CCT8: variants seen among roughly 807,000 people sequenced by gnomAD.
CCT8 encodes the protein chaperonin containing TCP1 subunit 8.
CCT8 carries 10 observed loss-of-function variants against 65.7 expected under a neutral mutation model. That is an observed-to-expected ratio of 0.15 (90% CI 0.09 to 0.26). The LOEUF (loss-of-function observed/expected upper bound fraction) is 0.26, where lower values mean the gene tolerates loss of function less well. Ranked by LOEUF, CCT8 falls within the 10% of genes least tolerant of loss-of-function variation. CCT8 has a pLI of 1.00. For missense variants in CCT8, 568 were observed against 669.1 expected (o/e 0.85, Z 1.67); for synonymous variants, 199 against 221.8 (o/e 0.90, Z 0.92).
chr21:29,057,727 A>G (rs1473300019), intron 14 of CCT8, among the ~76,000 whole-genome samples: 1 of 87,012 alleles, frequency 1.1e-5, no homozygotes, highest in African/African-American at 3.1e-5. Flanking sequence ...TCATACATAT[A>G]TGTATGATAT....
intron 11 of CCT8, 88 bp from the exon 12 acceptor site, chr21:29,061,655 C>G: frequency 8.1e-7 from 1 of 1,230,660 alleles, no homozygotes; most frequent in Non-Finnish European, 1.2e-6. Context: ...TTTTCACATT[C>G]CAGTACCCCA....
intron 1 of CCT8, chr21:29,071,891 T>C (rs543534046): frequency 2.9e-6 from 2 of 696,534 alleles, no homozygotes; most frequent in East Asian, 2.7e-5. Context: ...TGCAAATCCC[T>C]TTTCAAGGAA....
At chr21:29,065,719 G>T (rs1007893506) in intron 6 of CCT8, among the ~76,000 whole-genome samples, 2 of 152,242 alleles carry the variant, frequency 1.3e-5, no homozygotes, top group East Asian at 3.9e-4. Flanking sequence ...GGAATAGGAC[G>T]ATTTCCACCC....
chr21:29,067,473 T>C, intron 4 of CCT8, 83 bp downstream of exon 4: 1 of 1,104,470 alleles, frequency 9.1e-7, no homozygotes, highest in Non-Finnish European at 1.2e-6. Context: ...GCTACTACTA[T>C]AATAATGATT....
Position 29,072,246 on chromosome 21 carries a change from T to C in CCT8, c.60+1285A>G, listed in dbSNP as rs139209736. The C allele has an allele frequency of 1.2e-5, 4 of 336,506 alleles. No individual in the cohort carries two copies. In the East Asian group the frequency reaches 1.5e-4, roughly 12 times the overall value. 20.8% of individuals were successfully genotyped at this position (336,506 alleles called of 1,614,324 possible). A position where few individuals can be genotyped will look rare whatever the true frequency, so the allele number is the denominator to read the frequency against. ...TCATCCTCTACTATAGTGCAGTTTC[T>C]TTCATCATTATTTGGAATTCTCCTT... On this transcript the variant is annotated intron_variant, in intron 1 of 14. Transcript: ENST00000286788.
intron 14 of CCT8, 109 bp downstream of exon 14, chr21:29,060,432 C>G (rs531479477): frequency 8.6e-7 from 1 of 1,163,260 alleles, no homozygotes; most frequent in Non-Finnish European, 1.2e-6. Context: ...TAGGTGAGGA[C>G]TAAGAATCCT....
At position 29,063,305 on chromosome 21, in the gene CCT8, A is replaced by C. The variant is rs753901251; in HGVS notation, c.941+47T>G. 6 of 1,508,706 alleles carry C rather than the reference A, an allele frequency of 4.0e-6. No individual in the cohort carries two copies. In the South Asian group the frequency reaches 6.8e-5, roughly 17 times the overall value. The allele number at this position is 1,508,706 out of a possible 1,614,324, so 93.5% of individuals were successfully genotyped here. On this transcript the variant is annotated intron_variant, in intron 8 of 14. Transcript: ENST00000286788. ...TTTCGTTTAGTGTTTTCACCACCAAAAAACCATTTATGATATAGGTAAAAA... is the reference window on the plus strand; with the variant it reads ...TTTCGTTTAGTGTTTTCACCACCAACAAACCATTTATGATATAGGTAAAAA...
chr21:29,072,165 C>T (rs2085688054), intron 1 of CCT8: 1 of 571,166 alleles, frequency 1.8e-6, no homozygotes, highest in Non-Finnish European at 3.1e-6. Flanking sequence ...CTTCCCTAAA[C>T]GTCTAAGTGT....
intron 14 of CCT8, chr21:29,059,665 G>C (rs1055204225): frequency 2.0e-5 from 3 of 152,148 alleles, no homozygotes; most frequent in African/African-American, 7.2e-5. Context: ...AGCTGACAGA[G>C]AAACCCGTTA....
At chr21:29,068,709 C>T (rs2085651019) in intron 3 of CCT8, among the ~76,000 whole-genome samples, 1 of 152,178 alleles carries the variant, frequency 6.6e-6, no homozygotes, top group South Asian at 2.1e-4. Flanking sequence ...AGGTGATCCG[C>T]CTGCCTTGAC....
chr21:29,059,463 T>C (rs932756276), intron 14 of CCT8: 3 of 152,196 alleles, frequency 2.0e-5, no homozygotes. Flanking sequence ...GCTTGAATAA[T>C]TGACATTCAA....
intron 7 of CCT8, among the ~76,000 whole-genome samples, chr21:29,064,712 T>G (rs1041725301): frequency 3.3e-5 from 5 of 152,234 alleles, no homozygotes; most frequent in African/African-American, 1.2e-4. Context: ...TCATATTCTT[T>G]CACTTGCTGA....
chr21:29,060,546 C>T lies in CCT8; in HGVS notation c.1564G>A (p.Asp522Asn). ...CAAAATTTCACTTTGCTCACCTGAT[C>T]CACTCTAAGTACAGTGACTGCAGCA... is the stretch of plus-strand genomic sequence containing the variant. ...TNAAVTVLRV[D>N]QIIMAKPAGG... Residue 522 changes from aspartate to asparagine, a missense_variant, in exon 14 of 15, where the codon GAT (aspartate) becomes AAT (asparagine). Physicochemically the swap from Asp to Asn is conservative, Grantham distance 23. Coordinates refer to ENST00000286788, the MANE Select transcript of CCT8 (RefSeq NM_006585.4). The T allele has an allele frequency of 6.2e-7, 1 of 1,613,550 alleles. No individual in the cohort carries two copies. Among genetic ancestry groups the T allele is most frequent in the Non-Finnish European group, 8.5e-7 (1 of 1,179,708 alleles).
At chr21:29,060,942 A>C (rs941037447) in intron 13 of CCT8, among the ~76,000 whole-genome samples, 4 of 152,220 alleles carry the variant, frequency 2.6e-5, no homozygotes, top group African/African-American at 9.6e-5. Context: ...TTAATTATAT[A>C]ACATAGTGTA....
intron 7 of CCT8, among the ~76,000 whole-genome samples, chr21:29,064,679 G>A (rs1297983921): frequency 6.6e-6 from 1 of 152,096 alleles, no homozygotes; most frequent in African/African-American, 2.4e-5. Flanking sequence ...TTTTCGTGAA[G>A]AGCACACAAA....
intron 1 of CCT8, 28 bp downstream of exon 1, chr21:29,073,503 C>T: frequency 6.2e-7 from 1 of 1,613,998 alleles, no homozygotes; most frequent in Non-Finnish European, 8.5e-7. Context: ...CTGACGCTCC[C>T]ACCTCATTCC....
intron 1 of CCT8, among the ~76,000 whole-genome samples, chr21:29,072,681 TG>T (rs1279928406): frequency 6.6e-6 from 1 of 152,236 alleles, no homozygotes; most frequent in African/African-American, 2.4e-5. Context: ...TCAACCACAC[TG>T]ATCTATTTCT....
chr21:29,061,453 C>G (rs962475513), intron 12 of CCT8, 36 bp from the exon 13 acceptor site: 17 of 1,613,398 alleles, frequency 1.1e-5, no homozygotes, highest in Non-Finnish European at 1.4e-5. Context: ...GTCTTTTATT[C>G]AAGCAATGGA....
chr21:29,066,579 A>C (rs897278736), intron 6 of CCT8, 137 bp downstream of exon 6: 2 of 542,098 alleles, frequency 3.7e-6, no homozygotes, highest in African/African-American at 3.9e-5. Context: ...ATGCCTCAAA[A>C]AAAGTCCTAA....
Sources: gnomAD v4.1 joint callset for allele counts (sites outside exome capture counted in the v4.1 genomes callset) on GRCh38, gnomAD v4.1.1 for gene constraint, MANE v1.5 for transcripts, NCBI Gene and HGNC (gene_info 2026-07-23, HGNC 2026-07-21) for gene names.